CECR2: variants seen among roughly 807,000 people sequenced by gnomAD.
The protein encoded by CECR2 is CECR2 histone acetyl-lysine reader, also known as chromatin remodeling regulator CECR2.
CECR2 carries 30 observed loss-of-function variants against 154.5 expected under a neutral mutation model. The ratio of observed to expected loss-of-function variants is 0.19; its 90% CI spans 0.15 to 0.26. CECR2 has a LOEUF of 0.26. Ranked by LOEUF, CECR2 falls within the 10% of genes least tolerant of loss-of-function variation. CECR2 has a pLI of 1.00. For synonymous variants in CECR2, 725 were observed against 683.7 expected, an observed-to-expected ratio of 1.06 and a Z score of -0.94; for missense variants, 1,743 against 1,829.3, an observed-to-expected ratio of 0.95 and a Z score of 0.86.
rs781954770 is a variant in CECR2 at position 17,404,364 on chromosome 22, C to CCTTT, written c.126+34455_126+34456insCTTT. 3.7e-3 allele frequency among the ~76,000 whole-genome samples: 220 copies of CCTTT among 59,632 alleles called. 23 individuals are homozygous for CCTTT. The highest frequency in any genetic ancestry group is 0.016 in the African/African-American group (207 of 13,320). 39.1% of individuals were successfully genotyped at this position (59,632 alleles called of 152,430 possible). ...TGTGGGTTCATTTCTGGACCCTGTT[C>CCTTT]TTTCTTTTTTTTTTTTTTTTTTTTT... is the stretch of plus-strand genomic sequence containing the variant. On this transcript the variant is annotated intron_variant, in intron 1 of 18. Transcript: ENST00000262608.
intron 7 of CECR2, among the ~76,000 whole-genome samples, chr22:17,510,754 A>G (rs564602204): frequency 3.3e-5 from 5 of 152,170 alleles, no homozygotes; most frequent in Non-Finnish European, 7.4e-5. Context: ...GGCACGCACC[A>G]CCATGCCTGG....
intron 1 of CECR2, among the ~76,000 whole-genome samples, chr22:17,415,067 T>A (rs958334174): frequency 1.2e-4 from 19 of 152,228 alleles, no homozygotes; most frequent in African/African-American, 3.6e-4. Context: ...GTTAATTCAC[T>A]TAGAAGCCAT....
chr22:17,360,059 A>G (rs1404818809), intron 1 of CECR2: 1 of 152,260 alleles, frequency 6.6e-6, no homozygotes, highest in African/African-American at 2.4e-5. Flanking sequence ...ATAGAAACCA[A>G]AAGCCTGATA....
intron 1 of CECR2, among the ~76,000 whole-genome samples, chr22:17,450,328 T>G (rs576427200): frequency 6.6e-6 from 1 of 152,300 alleles, no homozygotes; most frequent in African/African-American, 2.4e-5. Flanking sequence ...TGGAGTGCAG[T>G]GGCGCAACAT....
chr22:17,366,036 A>G (rs565820933), upstream of CECR2, among the ~76,000 whole-genome samples: 2 of 152,312 alleles, frequency 1.3e-5, no homozygotes, highest in African/African-American at 4.8e-5. Flanking sequence ...TTAAATAGAA[A>G]ACATTTGATT....
Position 17,494,763 on chromosome 22 carries a change from C to T in CECR2, c.222-2640C>T, listed in dbSNP as rs942031661. Reference sequence around the variant, plus strand: ...AGGCTACAGTGCAGGGGCACAATCTCGGCTCACGGCAAACTCTGCCTCCCA... The same window carrying T: ...AGGCTACAGTGCAGGGGCACAATCTTGGCTCACGGCAAACTCTGCCTCCCA... On this transcript the variant is annotated intron_variant, in intron 2 of 18. Coordinates refer to ENST00000262608, the MANE Select transcript of CECR2 (RefSeq NM_001290047.2). Among the ~76,000 whole-genome samples the T allele has an allele frequency of 7.9e-4, 120 of 152,234 alleles. 1 individual carries two copies. The highest frequency in any genetic ancestry group is 1.9e-4 in the East Asian group (1 of 5,168).
chr22:17,389,771 G>C (rs2063306824), intron 1 of CECR2, among the ~76,000 whole-genome samples: 1 of 152,150 alleles, frequency 6.6e-6, no homozygotes, highest in Admixed American at 6.5e-5. Flanking sequence ...GGGACTACAG[G>C]CATGCGCCAC....
chr22:17,508,476 G>C (rs2055885489), intron 7 of CECR2, among the ~76,000 whole-genome samples: 1 of 152,024 alleles, frequency 6.6e-6, no homozygotes, highest in South Asian at 2.1e-4. Context: ...GTGTGTCTGG[G>C]ATTGTAAGTA....
intron 1 of CECR2, among the ~76,000 whole-genome samples, chr22:17,400,875 T>G (rs1210229295): frequency 6.6e-6 from 1 of 152,150 alleles, no homozygotes; most frequent in Non-Finnish European, 1.5e-5. Flanking sequence ...CTCAGCCTCC[T>G]TAGTAGCTGG....
At chr22:17,526,001 T>G (rs1180032748) in intron 9 of CECR2, among the ~76,000 whole-genome samples, 1 of 152,016 alleles carries the variant, frequency 6.6e-6, no homozygotes, top group Non-Finnish European at 1.5e-5. Flanking sequence ...GGAAACAAAT[T>G]GAAAAGAACA....
upstream of CECR2, among the ~76,000 whole-genome samples, chr22:17,367,343 T>C (rs1241473580): frequency 6.6e-6 from 1 of 151,990 alleles, no homozygotes; most frequent in African/African-American, 2.4e-5. Context: ...GCTTAAACGA[T>C]GACAAAAGAT....
chr22:17,452,146 C>T (rs1213204145), intron 1 of CECR2, among the ~76,000 whole-genome samples: 3 of 152,228 alleles, frequency 2.0e-5, no homozygotes, highest in African/African-American at 7.2e-5. Flanking sequence ...AATCTCTGCT[C>T]ACTGCAACCT....
At chr22:17,413,825 T>C (rs1428726954) in intron 1 of CECR2, among the ~76,000 whole-genome samples, 15 of 150,774 alleles carry the variant, frequency 9.9e-5, no homozygotes, top group East Asian at 5.8e-4. Flanking sequence ...TACAAGTGCC[T>C]GCCACCACGG....
intron 1 of CECR2, among the ~76,000 whole-genome samples, chr22:17,375,951 A>C (rs778645287): frequency 7.8e-6 from 1 of 127,494 alleles, no homozygotes; most frequent in African/African-American, 4.5e-5. Flanking sequence ...CGAGAGGGAG[A>C]CTCTTATCTA....
chr22:17,426,387 C>T (rs999789655), intron 1 of CECR2, among the ~76,000 whole-genome samples: 1 of 151,950 alleles, frequency 6.6e-6, no homozygotes, highest in Non-Finnish European at 1.5e-5. Flanking sequence ...AGACGAGTCT[C>T]TCTCTGTCTC....
Position 17,429,556 on chromosome 22 carries a change from AC to A in CECR2, c.127-48031del, listed in dbSNP as rs1569077267. On this transcript the variant is annotated intron_variant, in intron 1 of 18. Transcript: ENST00000262608. Reference sequence around the variant, plus strand: ...ATCTCTACCAAAAACAAAAACAAAAACAAAGAAAAGAAAAGAAAAAAGAGAT... The same window carrying A: ...ATCTCTACCAAAAACAAAAACAAAAAAAAGAAAAGAAAAGAAAAAAGAGAT... Among the ~76,000 whole-genome samples the A allele has an allele frequency of 9.4e-3, 1,411 of 150,206 alleles. 30 individuals carry two copies. The highest frequency in any genetic ancestry group is 0.033 in the African/African-American group (1,318 of 40,450).
intron 9 of CECR2, among the ~76,000 whole-genome samples, chr22:17,533,454 A>G (rs2056390127): frequency 1.3e-5 from 2 of 151,674 alleles, no homozygotes; most frequent in African/African-American, 4.8e-5. Flanking sequence ...ACATGATGAA[A>G]CCCCGTCTCT....
chr22:17,404,276 TG>T (rs1373125108), intron 1 of CECR2, among the ~76,000 whole-genome samples: 2 of 71,708 alleles, frequency 2.8e-5, no homozygotes, highest in African/African-American at 1.0e-4. Flanking sequence ...CCGACCCCCC[TG>T]CCAAAAAAAA....
At chr22:17,406,114 C>CTA (rs2053980266) in intron 1 of CECR2, among the ~76,000 whole-genome samples, 1 of 152,204 alleles carries the variant, frequency 6.6e-6, no homozygotes, top group Non-Finnish European at 1.5e-5. Flanking sequence ...TAATTTAACC[C>CTA]ACTTTAGTCA....
Sources: gnomAD v4.1 joint callset for allele counts (sites outside exome capture counted in the v4.1 genomes callset) on GRCh38, gnomAD v4.1.1 for gene constraint, MANE v1.5 for transcripts, NCBI Gene and HGNC (gene_info 2026-07-23, HGNC 2026-07-21) for gene names.